RRAS2: variants seen among roughly 807,000 people sequenced by gnomAD.
The protein encoded by RRAS2 is RAS related 2, also known as ras-related protein R-Ras2.
In RRAS2, 7 loss-of-function variants were observed where a neutral mutation model predicts 27.6. That is an observed-to-expected ratio of 0.25 (90% CI 0.14 to 0.48). The LOEUF is 0.48. Ranked by LOEUF, RRAS2 falls within the 20% of genes least tolerant of loss-of-function variation. The probability of loss-of-function intolerance (pLI) is 0.99; values close to 1 mark genes in which losing one functional copy is unlikely to be tolerated. For synonymous variants in RRAS2, 86 were observed against 90.9 expected, an observed-to-expected ratio of 0.95 and a Z score of 0.31; for missense variants, 178 against 256.2, an observed-to-expected ratio of 0.69 and a Z score of 2.08.
chr11:14,289,909 A>G (rs1849764060), intron 4 of RRAS2, among the ~76,000 whole-genome samples: 1 of 152,224 alleles, frequency 6.6e-6, no homozygotes, highest in African/African-American at 2.4e-5. Flanking sequence ...AAAATAGGCT[A>G]GAAGGTAAAG....
intron 1 of RRAS2, among the ~76,000 whole-genome samples, chr11:14,323,667 C>A (rs939122095): frequency 2.0e-5 from 3 of 152,020 alleles, no homozygotes; most frequent in African/African-American, 7.2e-5. Context: ...GAAATACACC[C>A]CCCAAGTCAT....
chr11:14,300,141 A>C (rs1847660513), intron 1 of RRAS2, among the ~76,000 whole-genome samples: 1 of 152,192 alleles, frequency 6.6e-6, no homozygotes, highest in South Asian at 2.1e-4. Flanking sequence ...GAGTACACTG[A>C]GGGGAAAGGA....
At chr11:14,282,044 G>C (rs555405807) in intron 4 of RRAS2, among the ~76,000 whole-genome samples, 173 of 152,306 alleles carry the variant, frequency 1.1e-3, no homozygotes, top group South Asian at 3.9e-3. Context: ...TCAGGGAGAT[G>C]AGCGAAAGCT....
intron 1 of RRAS2, among the ~76,000 whole-genome samples, chr11:14,352,640 C>T (rs1297802785): frequency 2.5e-5 from 3 of 119,930 alleles, no homozygotes; most frequent in African/African-American, 9.8e-5. Flanking sequence ...AATTAATATC[C>T]TAAAGACCAT....
intron 1 of RRAS2, among the ~76,000 whole-genome samples, chr11:14,296,751 G>A (rs1168468289): frequency 6.6e-6 from 1 of 151,476 alleles, no homozygotes; most frequent in African/African-American, 2.4e-5. Flanking sequence ...ATCTTTTGTT[G>A]TTTTTTTATC....
At chr11:14,325,786 C>T (rs1227896663) in intron 1 of RRAS2, among the ~76,000 whole-genome samples, 3 of 152,144 alleles carry the variant, frequency 2.0e-5, no homozygotes, top group African/African-American at 7.2e-5. Context: ...AAATTTAACA[C>T]ACATTTTTTA....
intron 4 of RRAS2, among the ~76,000 whole-genome samples, chr11:14,290,866 G>C (rs1376634211): frequency 6.6e-6 from 1 of 152,144 alleles, no homozygotes; most frequent in African/African-American, 2.4e-5. Context: ...GGGAATGTGA[G>C]ATTAAAAGTT....
intron 4 of RRAS2, among the ~76,000 whole-genome samples, chr11:14,285,879 A>G (rs1849648719): frequency 1.3e-5 from 2 of 151,788 alleles, no homozygotes; most frequent in Admixed American, 1.3e-4. Flanking sequence ...TTTTTTCTTT[A>G]CCACTGATTT....
At chr11:14,293,138 T>TATATATATATATATAC (rs1847456930) in intron 4 of RRAS2, among the ~76,000 whole-genome samples, 2 of 122,266 alleles carry the variant, frequency 1.6e-5, no homozygotes, top group African/African-American at 7.2e-5. Flanking sequence ...TATATATATA[T>TATATATATATATATAC]ATATATATAT....
At chr11:14,339,524 C>A (rs1042496140) in intron 1 of RRAS2, among the ~76,000 whole-genome samples, 11 of 152,226 alleles carry the variant, frequency 7.2e-5, no homozygotes, top group Non-Finnish European at 1.5e-4. Flanking sequence ...CTGATACCTC[C>A]AACTGAAACT....
At chr11:14,301,715 A>T (rs1364432521) in intron 1 of RRAS2, among the ~76,000 whole-genome samples, 1 of 152,206 alleles carries the variant, frequency 6.6e-6, no homozygotes, top group African/African-American at 2.4e-5. Context: ...ATGGTGGCTC[A>T]GGCCTATAAT....
Position 14,322,969 on chromosome 11 carries a change from T to C in RRAS2, c.109-27114A>G, listed in dbSNP as rs546629635. ...AACCTAATGGTAAAAATTCAATAGA[T>C]GGACTAAAAAGCGTATCTCTTCAAA... On this transcript the variant is annotated intron_variant, in intron 1 of 5. Coordinates refer to ENST00000256196, the MANE Select transcript of RRAS2 (RefSeq NM_012250.6). Among the ~76,000 whole-genome samples, 114 of 152,192 alleles carry C rather than the reference T, an allele frequency of 7.5e-4. No individual in the cohort carries two copies. The Middle Eastern group carries it at 0.017, about 23-fold the overall frequency.
intron 1 of RRAS2, among the ~76,000 whole-genome samples, chr11:14,327,314 A>G (rs2134005275): frequency 6.6e-6 from 1 of 152,342 alleles, no homozygotes; most frequent in East Asian, 1.9e-4. Flanking sequence ...AGGATGGTCA[A>G]ACCTCAAAAC....
chr11:14,361,874 C>T (rs186811094), upstream of RRAS2, among the ~76,000 whole-genome samples: 12 of 152,092 alleles, frequency 7.9e-5, no homozygotes, highest in Non-Finnish European at 1.5e-4. Context: ...AAAAAAATGT[C>T]GTATAGCCAC....
rs570635019 is a variant in RRAS2 at position 14,303,761 on chromosome 11, G to C, written c.109-7906C>G. Among the ~76,000 whole-genome samples the C allele has an allele frequency of 2.6e-5, 4 of 152,218 alleles. No individual in the cohort carries two copies. The East Asian group carries it at 7.7e-4, about 29-fold the overall frequency. ...GTCATCATCTCTCTCTCCCTGCTCT[G>C]CATCTCTTCTACCCACAACAAGGCT... On this transcript the variant is annotated intron_variant, in intron 1 of 5. Transcript: ENST00000256196.
Position 14,279,382 on chromosome 11 carries a change from T to G in RRAS2, c.570A>C (p.Thr190=). ...EQECPPSPEP[T]RKEKDKKGCH... The stretch of plus-strand genomic sequence containing the variant: ...AGCCTTTCTTGTCTTTTTCTTTCCG[T>G]GTTGGTTCTGGTGAAGGAGGACATT... The change falls in exon 6 of 6, where the codon ACA becomes ACC. Residue 190 remains threonine (T), a synonymous_variant. Transcript: ENST00000256196. The G allele has an allele frequency of 6.2e-7, 1 of 1,613,242 alleles. No homozygotes were observed. Among genetic ancestry groups the G allele is most frequent in the Non-Finnish European group, 8.5e-7 (1 of 1,179,296 alleles).
At chr11:14,342,825 T>G (rs576721595) in intron 1 of RRAS2, among the ~76,000 whole-genome samples, 1 of 152,328 alleles carries the variant, frequency 6.6e-6, no homozygotes, top group African/African-American at 2.4e-5. Flanking sequence ...TATACATATT[T>G]CACAACTGCA....
chr11:14,293,216 T>C (rs1212152340), intron 4 of RRAS2, among the ~76,000 whole-genome samples: 4 of 145,876 alleles, frequency 2.7e-5, no homozygotes, highest in African/African-American at 5.1e-5. Context: ...TAAAATTTTA[T>C]GTACACAGCT....
At chr11:14,323,078 A>T (rs1298927799) in intron 1 of RRAS2, among the ~76,000 whole-genome samples, 2 of 152,228 alleles carry the variant, frequency 1.3e-5, no homozygotes, top group East Asian at 3.8e-4. Flanking sequence ...ACTATGAACA[A>T]CTTTATGCAA....
Sources: gnomAD v4.1 joint callset for allele counts (sites outside exome capture counted in the v4.1 genomes callset) on GRCh38, gnomAD v4.1.1 for gene constraint, MANE v1.5 for transcripts, NCBI Gene and HGNC (gene_info 2026-07-23, HGNC 2026-07-21) for gene names.